The following ZNF581 variants were observed in gnomAD, a reference collection of about 807,000 sequenced individuals.
ZNF581 encodes the protein zinc finger protein 581.
ZNF581 carries 1 observed loss-of-function variant against 1.2 expected under a neutral mutation model. The observed-to-expected ratio is 0.83, with a 90% CI of 0.30 to 3.95. The LOEUF is 3.95. Ranked by LOEUF, ZNF581 falls within the 30% of genes most tolerant of loss-of-function variation. The probability of loss-of-function intolerance (pLI) is 0.18; values close to 1 mark genes in which losing one functional copy is unlikely to be tolerated. For missense variants in ZNF581, 273 were observed against 274.6 expected, an observed-to-expected ratio of 0.99 and a Z score of 0.04; for synonymous variants, 105 against 109.2, an observed-to-expected ratio of 0.96 and a Z score of 0.24.
At chr19:55,640,104 C>T, upstream of ZNF581, 3 of 984,926 alleles carry the variant, frequency 3.0e-6, no homozygotes, top group Non-Finnish European at 3.6e-6. Context: ...ACAGTTACTC[C>T]TCTTCTGTCC....
Position 55,645,092 on chromosome 19 carries a change from A to C in ZNF581, c.521A>C (p.Gln174Pro). ...GTGCACTCTGGGGAACGCCCGTTTC[A>C]GTGTCCACACTGCCCTCGCCGCTTT... is the stretch of plus-strand genomic sequence containing the variant. ...SRVHSGERPF[Q>P]CPHCPRRFME... The change falls in exon 2 of 2, where the codon CAG (glutamine) becomes CCG (proline). Residue 174 changes from glutamine (Q) to proline (P), a missense_variant. Gln to Pro is a moderately conservative substitution (Grantham distance 76). Coordinates refer to ENST00000270451, the MANE Select transcript of ZNF581 (RefSeq NM_016535.4). 1 of 1,549,346 alleles carries C rather than the reference A, an allele frequency of 6.5e-7. No individual in the cohort carries two copies. The highest frequency in any genetic ancestry group is 8.8e-7 in the Non-Finnish European group (1 of 1,141,788).
chr19:55,642,111 T>G (rs935863665), upstream of ZNF581: 1 of 1,003,832 alleles, frequency 1.0e-6, no homozygotes, highest in African/African-American at 1.7e-5. Flanking sequence ...TAGAGAAATC[T>G]CGGCGGTCAG....
chr19:55,639,151 G>A (rs1031876790), upstream of ZNF581, among the ~76,000 whole-genome samples: 3 of 152,146 alleles, frequency 2.0e-5, no homozygotes, highest in African/African-American at 7.2e-5. Context: ...GCCTCCTAGA[G>A]GACACGGGCA....
upstream of ZNF581, chr19:55,640,088 G>A (rs183627094): frequency 6.1e-6 from 6 of 980,408 alleles, no homozygotes; most frequent in African/African-American, 1.0e-4. Context: ...CTTGGGGCTC[G>A]CTGTGACAGT....
At position 55,644,776 on chromosome 19, in the gene ZNF581, G is replaced by A. The variant is rs1396052949; in HGVS notation, c.205G>A (p.Glu69Lys). 4 of 1,613,820 alleles carry A rather than the reference G, an allele frequency of 2.5e-6. No homozygotes were observed. Among genetic ancestry groups the A allele is most frequent in the South Asian group, 2.2e-5 (2 of 91,084 alleles). ...QGVPYTVLVD[E>K]ESQREPGASG... ...TGTCCCCTACACAGTGCTGGTGGACGAGGAGTCACAGAGGGAGCCAGGGGC... is the reference window on the plus strand; with the variant it reads ...TGTCCCCTACACAGTGCTGGTGGACAAGGAGTCACAGAGGGAGCCAGGGGC... Residue 69 changes from glutamate (E) to lysine (K), a missense_variant, in exon 2 of 2, where the codon GAG (glutamate) becomes AAG (lysine). Transcript: ENST00000270451. This position sits in a 1 kb window ranked among gnomAD's most constrained non-coding sequence, Gnocchi z 4.3.
upstream of ZNF581, among the ~76,000 whole-genome samples, chr19:55,639,873 T>G (rs1456216631): frequency 6.6e-6 from 1 of 152,184 alleles, no homozygotes; most frequent in East Asian, 1.9e-4. Context: ...CGCCTTGGCC[T>G]CCGAAAGTGC....
At chr19:55,635,838 G>A (rs1467076149) in intron 1 of ZNF581, 5 of 529,416 alleles carry the variant, frequency 9.4e-6, no homozygotes, top group Admixed American at 6.4e-5. Flanking sequence ...TGGTGAGCAG[G>A]GCATATAGGT....
chr19:55,644,975 C>T lies in ZNF581; in HGVS notation c.404C>T (p.Ser135Phe). Residue 135 changes from serine (S) to phenylalanine (F), a missense_variant, in exon 2 of 2, where the codon TCC becomes TTC. Physicochemically the swap from Ser to Phe is radical, Grantham distance 155. Transcript: ENST00000270451. This position sits in a 1 kb window ranked among gnomAD's most constrained non-coding sequence, Gnocchi z 4.3. ...GCCAGCCACTTGGCACGGCACCATTCCATTCACCTGGCGGGTGGTGGGCGG... is the reference window on the plus strand; with the variant it reads ...GCCAGCCACTTGGCACGGCACCATTTCATTCACCTGGCGGGTGGTGGGCGG... ...KRASHLARHH[S>F]IHLAGGGRPH... The T allele has an allele frequency of 6.2e-7, 1 of 1,608,390 alleles. No individual in the cohort carries two copies.
upstream of ZNF581, among the ~76,000 whole-genome samples, chr19:55,638,353 C>G (rs1982220292): frequency 1.3e-5 from 2 of 152,160 alleles, no homozygotes; most frequent in African/African-American, 4.8e-5. Flanking sequence ...ATTCTCCTGC[C>G]TCAGCCTCCC....
At chr19:55,640,858 A>T (rs1321369037), upstream of ZNF581, 1 of 985,168 alleles carries the variant, frequency 1.0e-6, no homozygotes, top group African/African-American at 1.7e-5. Flanking sequence ...GTGGGAGGGG[A>T]GCGGGGCCGC....
rs762357518 is a variant in ZNF581 at position 55,644,977 on chromosome 19, A to G, written c.406A>G (p.Ile136Val). 3 of 1,607,616 alleles carry G rather than the reference A, an allele frequency of 1.9e-6. No individual in the cohort carries two copies. Among genetic ancestry groups the G allele is most frequent in the Admixed American group, 1.7e-5 (1 of 59,884 alleles). The change falls in exon 2 of 2, where the codon ATT becomes GTT. Residue 136 changes from isoleucine (I) to valine (V), a missense_variant. Coordinates refer to ENST00000270451, the MANE Select transcript of ZNF581 (RefSeq NM_016535.4). This position sits in a 1 kb window ranked among gnomAD's most constrained non-coding sequence, Gnocchi z 4.3. ...CAGCCACTTGGCACGGCACCATTCC[A>G]TTCACCTGGCGGGTGGTGGGCGGCC... is the stretch of plus-strand genomic sequence containing the variant. ...RASHLARHHS[I>V]HLAGGGRPHG...
chr19:55,642,677 G>T, upstream of ZNF581: 1 of 1,428,322 alleles, frequency 7.0e-7, no homozygotes. Context: ...CCTCCTCATC[G>T]ACGCCAATGG....
upstream of ZNF581, among the ~76,000 whole-genome samples, chr19:55,638,813 C>T (rs79334978): frequency 0.051 from 7,678 of 151,792 alleles, 409 homozygotes; most frequent in East Asian, 0.29. Context: ...TATGGTGAAA[C>T]CTGTCTCTAC....
upstream of ZNF581, chr19:55,643,198 C>G (rs960002082): frequency 6.0e-6 from 7 of 1,165,916 alleles, no homozygotes; most frequent in African/African-American, 8.0e-5. Flanking sequence ...TCCTTACCCC[C>G]TTTCTAGCTG....
upstream of ZNF581, chr19:55,642,185 G>T (rs1023256201): frequency 1.8e-6 from 2 of 1,127,140 alleles, no homozygotes; most frequent in Non-Finnish European, 2.2e-6. Context: ...TGCTGGGGTG[G>T]GTTGAGAGGA....
chr19:55,635,197 G>A (rs956913509), upstream of ZNF581: 15 of 152,422 alleles, frequency 9.8e-5, no homozygotes, highest in African/African-American at 3.6e-4. Flanking sequence ...AGGAGGCTTG[G>A]GGAGGGGCTA....
rs1329143519 is a variant in ZNF581 at position 55,645,100 on chromosome 19, C to T, written c.529C>T (p.His177Tyr). The T allele has an allele frequency of 6.5e-7, 1 of 1,543,636 alleles. No homozygotes were observed. Among genetic ancestry groups the T allele is most frequent in the African/African-American group, 1.4e-5 (1 of 73,254 alleles). ...TGGGGAACGCCCGTTTCAGTGTCCA[C>T]ACTGCCCTCGCCGCTTTATGGAGCA... ...HSGERPFQCP[H>Y]CPRRFMEQNT... is the part of the protein sequence containing the mutation. Residue 177 changes from histidine to tyrosine, a missense_variant, in exon 2 of 2, where the codon CAC becomes TAC. Transcript: ENST00000270451.
At chr19:55,641,029 C>T (rs1365865845), upstream of ZNF581, 5 of 985,326 alleles carry the variant, frequency 5.1e-6, no homozygotes, top group South Asian at 9.4e-5. Flanking sequence ...CCGCCAACCC[C>T]TCGCACCCCC....
chr19:55,643,040 G>A (rs1982628211), upstream of ZNF581: 2 of 1,355,610 alleles, frequency 1.5e-6, no homozygotes, highest in Non-Finnish European at 1.9e-6. Context: ...TCGAGACCCG[G>A]CCTGTGCTGC....
Sources: allele counts gnomAD v4.1 joint callset (sites outside exome capture counted in the v4.1 genomes callset), GRCh38; gene constraint gnomAD v4.1.1; non-coding constraint Gnocchi (gnomAD v3.1); transcripts MANE v1.5; gene names NCBI Gene and HGNC (gene_info 2026-07-23, HGNC 2026-07-21).